RGS12: variants seen among roughly 807,000 people sequenced by gnomAD.
RGS12 encodes regulator of G protein signaling 12.
A neutral mutation model predicts 120.1 loss-of-function variants in RGS12; 66 were observed. The observed-to-expected ratio is 0.55, with a 90% CI of 0.45 to 0.67. RGS12 has a LOEUF of 0.67. Among genes scored for constraint, RGS12 ranks in the 30% least tolerant of loss-of-function variants. RGS12 has a pLI of 0.00. For missense variants in RGS12, 1,859 were observed against 1,957.7 expected, an observed-to-expected ratio of 0.95 and a Z score of 0.95; for synonymous variants, 827 against 804.7, an observed-to-expected ratio of 1.03 and a Z score of -0.47.
chr4:3,369,155 C>T (rs1042886706), intron 3 of RGS12, among the ~76,000 whole-genome samples: 2 of 152,164 alleles, frequency 1.3e-5, no homozygotes, highest in African/African-American at 4.8e-5. Context: ...CCTCTGCTTG[C>T]TGGGGGTGTG....
intron 2 of RGS12, among the ~76,000 whole-genome samples, chr4:3,325,804 A>C (rs1272196945): frequency 6.6e-6 from 1 of 152,156 alleles, no homozygotes; most frequent in Admixed American, 6.5e-5. Flanking sequence ...TAGCAAACTG[A>C]CTCAAGCAGC....
Position 3,316,342 on chromosome 4 carries a change from C to G in RGS12, c.172C>G (p.Leu58Val). The change falls in exon 2 of 18, where the codon CTC becomes GTC. Residue 58 changes from leucine (L) to valine (V), a missense_variant. Leu to Val is a conservative substitution (Grantham distance 32). Coordinates refer to ENST00000336727, the MANE Select transcript of RGS12 (RefSeq NM_001394154.1). ...MRGSPADFVG[L>V]RAGDQILAVN... ...AGGGAGCCCTGCGGATTTCGTGGGC[C>G]TCCGAGCTGGAGACCAGATACTTGC... The G allele has an allele frequency of 6.2e-7, 1 of 1,614,182 alleles. No homozygotes were observed. Among genetic ancestry groups the G allele is most frequent in the African/African-American group, 1.3e-5 (1 of 75,064 alleles).
At chr4:3,395,552 A>C (rs528703134) in intron 4 of RGS12, among the ~76,000 whole-genome samples, 2 of 152,328 alleles carry the variant, frequency 1.3e-5, no homozygotes, top group African/African-American at 4.8e-5. Flanking sequence ...CAGTGTCCAC[A>C]TTGACTAGCA....
At chr4:3,362,712 TGTGAGG>T (rs1715780210) in intron 3 of RGS12, among the ~76,000 whole-genome samples, 3 of 128,046 alleles carry the variant, frequency 2.3e-5, no homozygotes, top group Admixed American at 1.5e-4. Context: ...TGTGAGGCTG[TGTGAGG>T]GTGAGGGTGC....
intron 1 of RGS12, among the ~76,000 whole-genome samples, chr4:3,294,054 G>T (rs1723229690): frequency 2.4e-5 from 1 of 41,330 alleles, no homozygotes; most frequent in African/African-American, 2.5e-4. Flanking sequence ...CACCTGCTTG[G>T]TCACTTGCTG....
chr4:3,428,823 C>A, intron 16 of RGS12, 112 bp downstream of exon 16: 1 of 920,478 alleles, frequency 1.1e-6, no homozygotes, highest in Non-Finnish European at 1.6e-6. Context: ...CGGTCCGTCC[C>A]TGTGGCCTGG....
chr4:3,287,353 TG>T, the RGS12 span, among the ~76,000 whole-genome samples: 1 of 151,872 alleles, frequency 6.6e-6, no homozygotes, highest in South Asian at 2.1e-4. Context: ...TCACATGGTC[TG>T]AAAAAAAAAA....
At chr4:3,370,059 G>A (rs906785830) in intron 3 of RGS12, 39 of 1,264,372 alleles carry the variant, frequency 3.1e-5, no homozygotes, top group East Asian at 6.0e-5. Flanking sequence ...TTATGTAAAC[G>A]GCGCTTCTTT....
chr4:3,288,783 C>T (rs1722954621), upstream of RGS12, among the ~76,000 whole-genome samples: 1 of 152,202 alleles, frequency 6.6e-6, no homozygotes, highest in African/African-American at 2.4e-5. The surrounding 1 kb of genome is among the most constrained non-coding windows in gnomAD (Gnocchi z 5.2). Flanking sequence ...CACCGATTCC[C>T]ACATGGAGAC....
intron 3 of RGS12, among the ~76,000 whole-genome samples, chr4:3,370,494 C>G (rs941169747): frequency 5.9e-5 from 9 of 152,342 alleles, no homozygotes; most frequent in African/African-American, 1.7e-4. Flanking sequence ...GCTGCGGGGG[C>G]TCAGCCCAGG....
intron 1 of RGS12, among the ~76,000 whole-genome samples, chr4:3,306,047 T>C (rs955717236): frequency 2.0e-5 from 3 of 152,220 alleles, no homozygotes; most frequent in African/African-American, 7.2e-5. Context: ...ATACCTGGCA[T>C]CCCTCTGAGA....
intron 4 of RGS12, among the ~76,000 whole-genome samples, chr4:3,409,868 G>A (rs181865606): frequency 1.1e-4 from 17 of 152,260 alleles, no homozygotes; most frequent in African/African-American, 3.1e-4. Flanking sequence ...GCTGGGCCTC[G>A]CCTAGGCAGC....
chr4:3,344,198 G>A (rs1560102166), intron 3 of RGS12, among the ~76,000 whole-genome samples: 1 of 152,198 alleles, frequency 6.6e-6, no homozygotes, highest in Non-Finnish European at 1.5e-5. Context: ...CTGGGGATTG[G>A]CACGTTGTGG....
In RGS12 at chr4:3,370,817, A is replaced by G. The variant is rs1578850091; in HGVS notation, c.1999-15599A>G. On this transcript the variant is annotated intron_variant, in intron 3 of 17. Coordinates refer to ENST00000336727, the MANE Select transcript of RGS12 (RefSeq NM_001394154.1). ...TATAGATCATATTGGTGATTACTAT[A>G]TAAGCTTATGAAGTTGAAGTTACTC... is the stretch of plus-strand genomic sequence containing the variant. Among the ~76,000 whole-genome samples the G allele has an allele frequency of 4.6e-5, 7 of 152,376 alleles. 2 individuals are homozygous for G. Among genetic ancestry groups the G allele is most frequent in the Admixed American group, 4.6e-4 (7 of 15,304 alleles).
intron 1 of RGS12, among the ~76,000 whole-genome samples, chr4:3,303,853 A>G (rs1337132843): frequency 1.3e-5 from 2 of 152,202 alleles, no homozygotes; most frequent in African/African-American, 2.4e-5. Context: ...CTTTTTCTCA[A>G]GTGTTCAAAG....
At chr4:3,383,410 C>A (rs1052051756) in intron 3 of RGS12, among the ~76,000 whole-genome samples, 4 of 152,022 alleles carry the variant, frequency 2.6e-5, no homozygotes, top group Non-Finnish European at 5.9e-5. Context: ...AATTCAAGAC[C>A]AGCCTGGGCA....
At chr4:3,404,350 G>A (rs540990221) in intron 4 of RGS12, among the ~76,000 whole-genome samples, 48 of 152,354 alleles carry the variant, frequency 3.2e-4, no homozygotes, top group Non-Finnish European at 5.9e-4. Context: ...TGACTGCATG[G>A]TAGGTATTCA....
chr4:3,400,450 G>A (rs995399771), intron 4 of RGS12, among the ~76,000 whole-genome samples: 14 of 151,932 alleles, frequency 9.2e-5, no homozygotes, highest in Non-Finnish European at 1.6e-4. Flanking sequence ...ACAAAACAAC[G>A]GATTGTGTTA....
intron 14 of RGS12, among the ~76,000 whole-genome samples, 175 bp from the exon 15 acceptor site, chr4:3,427,915 C>G (rs1723827808): frequency 6.6e-6 from 1 of 152,176 alleles, no homozygotes; most frequent in Non-Finnish European, 1.5e-5. Flanking sequence ...GGAGGACGGG[C>G]CCTCTCTCCT....
Sources: gnomAD v4.1 joint callset for allele counts (sites outside exome capture counted in the v4.1 genomes callset) on GRCh38, gnomAD v4.1.1 for gene constraint, Gnocchi (gnomAD v3.1) non-coding constraint, MANE v1.5 for transcripts, NCBI Gene and HGNC (gene_info 2026-07-23, HGNC 2026-07-21) for gene names.